LHFPL6: variants seen among roughly 807,000 people sequenced by gnomAD.
The protein encoded by LHFPL6 is LHFPL tetraspan subfamily member 6 protein.
Under a neutral mutation model 20.6 loss-of-function variants are expected in LHFPL6, and 9 were observed. The ratio of observed to expected loss-of-function variants is 0.44; its 90% CI spans 0.26 to 0.76. The LOEUF is 0.76. LHFPL6 is among the 30% of genes least tolerant of loss of function. The pLI, the probability that LHFPL6 is intolerant of heterozygous loss-of-function variation, is 0.20. For missense variants in LHFPL6, 218 were observed against 253.5 expected (o/e 0.86, Z 0.95); for synonymous variants, 105 against 98.7 (o/e 1.06, Z -0.38).
chr13:39,580,529 T>G (rs538646572), intron 2 of LHFPL6, among the ~76,000 whole-genome samples: 25 of 152,334 alleles, frequency 1.6e-4, no homozygotes, highest in Non-Finnish European at 3.4e-4. Context: ...TTTGTAGTTC[T>G]TCCTTTACAG....
chr13:39,428,244 G>T (rs903277382), intron 2 of LHFPL6, among the ~76,000 whole-genome samples: 4 of 152,132 alleles, frequency 2.6e-5, no homozygotes, highest in Non-Finnish European at 4.4e-5. Flanking sequence ...GAATTGAGAA[G>T]TATTCTCTCC....
At chr13:39,470,102 T>C (rs560088643) in intron 2 of LHFPL6, among the ~76,000 whole-genome samples, 2 of 151,958 alleles carry the variant, frequency 1.3e-5, no homozygotes, top group Non-Finnish European at 1.5e-5. Context: ...GCTTAAAAAA[T>C]ATATATATAT....
intron 3 of LHFPL6, among the ~76,000 whole-genome samples, chr13:39,359,588 C>T (rs943039787): frequency 3.3e-5 from 5 of 152,056 alleles, no homozygotes; most frequent in African/African-American, 9.7e-5. Flanking sequence ...ACTGGATAAA[C>T]ATGTACATAA....
chr13:39,365,866 G>A (rs887196530), intron 3 of LHFPL6, among the ~76,000 whole-genome samples: 3 of 152,190 alleles, frequency 2.0e-5, no homozygotes, highest in Non-Finnish European at 2.9e-5. Context: ...GGATGATCAA[G>A]CCGTGGATAC....
intron 2 of LHFPL6, among the ~76,000 whole-genome samples, chr13:39,428,233 T>C (rs902317483): frequency 1.3e-5 from 2 of 152,230 alleles, no homozygotes; most frequent in African/African-American, 2.4e-5. Context: ...CCTTATAAAA[T>C]GAATTGAGAA....
chr13:39,515,673 T>C (rs1343729498), intron 2 of LHFPL6, among the ~76,000 whole-genome samples: 1 of 152,112 alleles, frequency 6.6e-6, no homozygotes, highest in Non-Finnish European at 1.5e-5. Context: ...TGTGCTGGGG[T>C]AGGTGATTAA....
intron 2 of LHFPL6, among the ~76,000 whole-genome samples, chr13:39,459,194 A>G (rs961432205): frequency 7.3e-6 from 1 of 136,070 alleles, no homozygotes; most frequent in Non-Finnish European, 1.6e-5. Flanking sequence ...AAGTTCCTTA[A>G]TGTGTGTGTG....
intron 2 of LHFPL6, among the ~76,000 whole-genome samples, chr13:39,532,266 C>T (rs1479206324): frequency 2.0e-5 from 3 of 152,078 alleles, no homozygotes; most frequent in African/African-American, 7.2e-5. Flanking sequence ...TTCCCAAGTG[C>T]CTACCAAATG....
chr13:39,571,993 T>C (rs2138531157), intron 2 of LHFPL6, among the ~76,000 whole-genome samples: 1 of 152,242 alleles, frequency 6.6e-6, no homozygotes, highest in South Asian at 2.1e-4. Context: ...CGTGAGTTGG[T>C]GAAGGGGCTG....
chr13:39,507,337 G>A (rs561868540), intron 2 of LHFPL6, among the ~76,000 whole-genome samples: 7 of 152,250 alleles, frequency 4.6e-5, no homozygotes, highest in South Asian at 2.1e-4. Context: ...TTCCTGTGCC[G>A]TCAGAGGTCT....
chr13:39,455,199 T>C (rs1872542280), intron 2 of LHFPL6, among the ~76,000 whole-genome samples: 1 of 152,154 alleles, frequency 6.6e-6, no homozygotes, highest in Non-Finnish European at 1.5e-5. Context: ...TTCAGCTGTT[T>C]CATGTTTAAA....
At chr13:39,486,487 C>A (rs1372644130) in intron 2 of LHFPL6, among the ~76,000 whole-genome samples, 5 of 152,188 alleles carry the variant, frequency 3.3e-5, no homozygotes, top group Non-Finnish European at 7.3e-5. Context: ...GGGAGCCCCA[C>A]AAACCTGAAA....
At chr13:39,581,532 C>CA (rs71080316) in intron 2 of LHFPL6, among the ~76,000 whole-genome samples, 52,540 of 106,192 alleles carry the variant, frequency 0.49, 10,802 homozygotes, top group South Asian at 0.59. Flanking sequence ...ATGCATGAGA[C>CA]AAAAAAAAAA....
Position 39,456,423 on chromosome 13 carries a change from T to C in LHFPL6, c.386-77897A>G, listed in dbSNP as rs17059956. On this transcript the variant is annotated intron_variant, in intron 2 of 3. Coordinates refer to ENST00000379589, the MANE Select transcript of LHFPL6 (RefSeq NM_005780.3). ...AAACTGCGAAAAGTCAAGAGATCAA[T>C]GTATTTCCTGGCTTGAAGGAAATTA... 8.9e-3 allele frequency among the ~76,000 whole-genome samples: 1,358 copies of C among 152,360 alleles called. 64 individuals carry two copies. In the East Asian group the frequency reaches 0.098, roughly 11 times the overall value.
chr13:39,383,809 T>G (rs1870498343), intron 2 of LHFPL6, among the ~76,000 whole-genome samples: 1 of 152,222 alleles, frequency 6.6e-6, no homozygotes, highest in South Asian at 2.1e-4. Flanking sequence ...GTATTCCACA[T>G]TCACACCTGC....
Position 39,488,890 on chromosome 13 carries a change from T to C in LHFPL6, c.386-110364A>G, listed in dbSNP as rs528896637. Among the ~76,000 whole-genome samples, 5 of 152,314 alleles carry C rather than the reference T, an allele frequency of 3.3e-5. No individual in the cohort carries two copies. The East Asian group carries it at 9.7e-4, about 29-fold the overall frequency. ...ACCTCTTGGATTCAACCATGGGACT[T>C]TGCAGATACAGCTTTAGATTCTATC... On this transcript the variant is annotated intron_variant, in intron 2 of 3. Transcript: ENST00000379589.
chr13:39,464,414 T>G (rs1230251219), intron 2 of LHFPL6, among the ~76,000 whole-genome samples: 2 of 151,988 alleles, frequency 1.3e-5, no homozygotes, highest in Admixed American at 6.6e-5. Flanking sequence ...GAGAAGGAAA[T>G]CAAATGAAAC....
At chr13:39,602,231 T>G (rs1054399437) in intron 1 of LHFPL6, among the ~76,000 whole-genome samples, 1 of 152,116 alleles carries the variant, frequency 6.6e-6, no homozygotes, top group South Asian at 2.1e-4. Flanking sequence ...TTCTCACACT[T>G]TCCATAAAGA....
intron 2 of LHFPL6, among the ~76,000 whole-genome samples, chr13:39,585,827 A>C (rs1191867129): frequency 6.6e-6 from 1 of 152,144 alleles, no homozygotes; most frequent in Non-Finnish European, 1.5e-5. Flanking sequence ...AATTTGTCAA[A>C]AGTTTTTCTT....
Sources: gnomAD v4.1 joint callset for allele counts (sites outside exome capture counted in the v4.1 genomes callset) on GRCh38, gnomAD v4.1.1 for gene constraint, MANE v1.5 for transcripts, NCBI Gene and HGNC (gene_info 2026-07-23, HGNC 2026-07-21) for gene names.